The following NCKAP5 variants were observed in gnomAD, a reference collection of about 807,000 sequenced individuals.
The protein encoded by NCKAP5 is nck-associated protein 5.
NCKAP5 carries 92 observed loss-of-function variants against 167.0 expected under a neutral mutation model. The observed-to-expected ratio is 0.55, with a 90% CI of 0.47 to 0.66. NCKAP5 has a LOEUF of 0.66. Ranked by LOEUF, NCKAP5 falls within the 30% of genes least tolerant of loss-of-function variation. The pLI, the probability that NCKAP5 is intolerant of heterozygous loss-of-function variation, is 0.00. For synonymous variants in NCKAP5, 891 were observed against 877.4 expected, an observed-to-expected ratio of 1.02 and a Z score of -0.27; for missense variants, 2,378 against 2,315.0, an observed-to-expected ratio of 1.03 and a Z score of -0.56.
intron 3 of NCKAP5, among the ~76,000 whole-genome samples, chr2:133,474,112 A>ATACCTATCTATC (rs1679607248): frequency 7.3e-6 from 1 of 137,858 alleles, no homozygotes; most frequent in African/African-American, 3.0e-5. Context: ...AGAAAATGTG[A>ATACCTATCTATC]TATCTATCTA....
intron 3 of NCKAP5, among the ~76,000 whole-genome samples, chr2:133,359,605 T>C (rs1435556): frequency 0.2 from 29,856 of 152,150 alleles, 2,957 homozygotes; most frequent in Admixed American, 0.24. Flanking sequence ...AAAAAGTTAT[T>C]GAATTCACCA....
At chr2:132,956,622 C>G (rs930354847) in intron 8 of NCKAP5, among the ~76,000 whole-genome samples, 1 of 152,126 alleles carries the variant, frequency 6.6e-6, no homozygotes, top group Non-Finnish European at 1.5e-5. Context: ...AAGAGTTTCT[C>G]TTGTACCCTA....
intron 16 of NCKAP5, among the ~76,000 whole-genome samples, chr2:132,760,269 T>C (rs1254923933): frequency 1.3e-5 from 2 of 152,152 alleles, no homozygotes; most frequent in Non-Finnish European, 2.9e-5. Context: ...TAGAAATTGG[T>C]TTAATGAGGA....
At chr2:133,635,543 G>T in the NCKAP5 span, among the ~76,000 whole-genome samples, 1 of 152,180 alleles carries the variant, frequency 6.6e-6, no homozygotes, top group Non-Finnish European at 1.5e-5. Flanking sequence ...TGAAAATGAA[G>T]ATTCATACTG....
intron 7 of NCKAP5, 70 bp downstream of exon 7, chr2:132,994,082 G>T: frequency 8.6e-7 from 1 of 1,167,996 alleles, no homozygotes; most frequent in African/African-American, 1.6e-5. Flanking sequence ...GGTTAGAGAG[G>T]ACAAACCTAG....
At position 133,225,644 on chromosome 2, in the gene NCKAP5, C is replaced by A. The variant is rs554164321; in HGVS notation, c.144-11865G>T. On this transcript the variant is annotated intron_variant, in intron 4 of 19. Coordinates refer to ENST00000409261, the MANE Select transcript of NCKAP5 (RefSeq NM_207363.3). ...TCATTATTTTTTTGAGATAGGGTCT[C>A]ACTTTGTTGCCCAGGCTAGAGTGCA... Among the ~76,000 whole-genome samples, 8 of 152,200 alleles carry A rather than the reference C, an allele frequency of 5.3e-5. No homozygotes were observed. The South Asian group carries it at 8.3e-4, about 16-fold the overall frequency.
chr2:133,117,004 T>G (rs1332649243), intron 6 of NCKAP5: 1 of 152,116 alleles, frequency 6.6e-6, no homozygotes, highest in Non-Finnish European at 1.5e-5. Flanking sequence ...AGACCTAGGG[T>G]ATCTGAGTTC....
intron 19 of NCKAP5, among the ~76,000 whole-genome samples, chr2:132,703,800 G>A (rs571852835): frequency 1.2e-4 from 18 of 152,300 alleles, no homozygotes; most frequent in African/African-American, 4.3e-4. Context: ...AAATAAGCTA[G>A]ATGATTAAGA....
At chr2:133,500,955 G>A (rs1193685964) in intron 3 of NCKAP5, among the ~76,000 whole-genome samples, 1 of 152,172 alleles carries the variant, frequency 6.6e-6, no homozygotes, top group African/African-American at 2.4e-5. Context: ...GCTGTACTGG[G>A]AACACTTTGA....
intron 5 of NCKAP5, among the ~76,000 whole-genome samples, chr2:133,168,178 G>A (rs577945777): frequency 1.2e-4 from 19 of 152,204 alleles, no homozygotes; most frequent in African/African-American, 4.1e-4. Context: ...AACTCAGACA[G>A]CCTGGCTCTT....
At chr2:132,958,719 G>T (rs549249303) in intron 8 of NCKAP5, among the ~76,000 whole-genome samples, 1 of 152,176 alleles carries the variant, frequency 6.6e-6, no homozygotes, top group South Asian at 2.1e-4. Flanking sequence ...CTTTGCAGCT[G>T]CCTCCTCTTG....
At chr2:133,667,723 G>C in the NCKAP5 span, among the ~76,000 whole-genome samples, 4 of 151,998 alleles carry the variant, frequency 2.6e-5, no homozygotes, top group African/African-American at 9.7e-5. Flanking sequence ...AAGGTTGACT[G>C]AACTCTAATA....
intron 6 of NCKAP5, among the ~76,000 whole-genome samples, chr2:133,010,095 A>C (rs9646692): frequency 6.7e-6 from 1 of 150,086 alleles, no homozygotes; most frequent in African/African-American, 2.4e-5. Context: ...AATAAATAAA[A>C]AAAACAAACA....
intron 6 of NCKAP5, among the ~76,000 whole-genome samples, chr2:133,071,444 C>CA (rs1368557802): frequency 6.6e-6 from 1 of 151,866 alleles, no homozygotes; most frequent in African/African-American, 2.4e-5. Context: ...GACTCCGTCT[C>CA]AAAAAACAAA....
intron 16 of NCKAP5, among the ~76,000 whole-genome samples, chr2:132,772,451 T>A (rs904623804): frequency 2.0e-5 from 3 of 152,194 alleles, no homozygotes; most frequent in African/African-American, 7.2e-5. Flanking sequence ...TTGAAGAGAT[T>A]CCTGTAGTTC....
At position 133,547,357 on chromosome 2, in the gene NCKAP5, G is replaced by A. The variant is rs533177789; in HGVS notation, c.-62+11693C>T. Among the ~76,000 whole-genome samples the A allele has an allele frequency of 7.2e-5, 11 of 152,248 alleles. 1 individual carries two copies. The highest frequency in any genetic ancestry group is 1.7e-4 in the African/African-American group (7 of 41,556). ...GGTAAACAAAGCAGCCAGGAAGCTC[G>A]AACTGGGTGGAGCCCACCACAGCTC... is the stretch of plus-strand genomic sequence containing the variant. On this transcript the variant is annotated intron_variant, in intron 2 of 19. Coordinates refer to ENST00000409261, the MANE Select transcript of NCKAP5 (RefSeq NM_207363.3).
intron 4 of NCKAP5, among the ~76,000 whole-genome samples, chr2:133,275,262 G>T (rs1343474065): frequency 2.0e-5 from 3 of 151,976 alleles, no homozygotes; most frequent in African/African-American, 7.2e-5. Flanking sequence ...ACTATGTGTT[G>T]GTGAGGATGT....
At chr2:133,375,563 A>T (rs1686086482) in intron 3 of NCKAP5, among the ~76,000 whole-genome samples, 2 of 152,220 alleles carry the variant, frequency 1.3e-5, no homozygotes, top group Non-Finnish European at 2.9e-5. Flanking sequence ...AGTATCCATT[A>T]GTTATTTTTC....
At chr2:133,452,303 G>C (rs1691598946) in intron 3 of NCKAP5, among the ~76,000 whole-genome samples, 1 of 152,126 alleles carries the variant, frequency 6.6e-6, no homozygotes, top group Non-Finnish European at 1.5e-5. Flanking sequence ...CCAACTAGGA[G>C]AGGCTCCTTG....
Sources: allele counts gnomAD v4.1 joint callset (sites outside exome capture counted in the v4.1 genomes callset), GRCh38; gene constraint gnomAD v4.1.1; transcripts MANE v1.5; gene names NCBI Gene and HGNC (gene_info 2026-07-23, HGNC 2026-07-21).